RNLS: variants seen among roughly 807,000 people sequenced by gnomAD.
RNLS encodes renalase, FAD dependent amine oxidase.
Under a neutral mutation model 39.8 loss-of-function variants are expected in RNLS, and 39 were observed. The observed-to-expected ratio is 0.98, with a 90% CI of 0.76 to 1.28. The LOEUF (loss-of-function observed/expected upper bound fraction) is 1.28. Among genes scored for constraint, RNLS ranks in the 50% most tolerant of loss-of-function variants. The pLI, the probability that RNLS is intolerant of heterozygous loss-of-function variation, is 0.00. For synonymous variants in RNLS, 147 were observed against 150.7 expected (o/e 0.98, Z 0.18); for missense variants, 410 against 413.3 (o/e 0.99, Z 0.07).
chr10:88,357,426 TG>T (rs1490534427), intron 5 of RNLS, among the ~76,000 whole-genome samples: 5 of 152,182 alleles, frequency 3.3e-5, no homozygotes, highest in Non-Finnish European at 7.3e-5. Flanking sequence ...TGACAGATAT[TG>T]CTGATTGTTG....
chr10:88,273,363 T>C (rs1270462619), downstream of RNLS, among the ~76,000 whole-genome samples: 1 of 152,248 alleles, frequency 6.6e-6, no homozygotes, highest in Admixed American at 6.5e-5. Flanking sequence ...GGTCTTAATA[T>C]ATGTACACAC....
intron 4 of RNLS, among the ~76,000 whole-genome samples, chr10:88,417,136 T>A (rs1394340083): frequency 6.6e-6 from 1 of 152,214 alleles, no homozygotes; most frequent in Non-Finnish European, 1.5e-5. Context: ...CTAAGTTATT[T>A]TTATTTTCTG....
chr10:88,181,614 A>G, the RNLS span, among the ~76,000 whole-genome samples: 1 of 152,124 alleles, frequency 6.6e-6, no homozygotes, highest in African/African-American at 2.4e-5. Flanking sequence ...CACATCTTTG[A>G]CTATTTATAT....
intron 6 of RNLS, among the ~76,000 whole-genome samples, chr10:88,301,407 G>A (rs1844507427): frequency 6.6e-6 from 1 of 152,126 alleles, no homozygotes; most frequent in African/African-American, 2.4e-5. Context: ...ACACCTGTTA[G>A]GTTTCCTGAT....
the RNLS span, among the ~76,000 whole-genome samples, chr10:88,242,946 A>AAAAG: frequency 6.7e-6 from 1 of 149,668 alleles, no homozygotes; most frequent in Non-Finnish European, 1.5e-5. Flanking sequence ...AAACTCTGTC[A>AAAAG]AAACAAACAA....
intron 5 of RNLS, among the ~76,000 whole-genome samples, chr10:88,341,329 C>CA (rs755002114): frequency 0.27 from 13,311 of 50,130 alleles, 1,121 homozygotes; most frequent in East Asian, 0.44. Flanking sequence ...AACTCCATCT[C>CA]AAAAAAAAAA....
At chr10:88,521,601 G>A (rs1437486682) in intron 4 of RNLS, among the ~76,000 whole-genome samples, 4 of 152,036 alleles carry the variant, frequency 2.6e-5, no homozygotes, top group South Asian at 2.1e-4. Flanking sequence ...GTCAGCTATG[G>A]AAATGCAACT....
chr10:88,180,582 G>A, the RNLS span, among the ~76,000 whole-genome samples: 11 of 152,178 alleles, frequency 7.2e-5, no homozygotes, highest in African/African-American at 1.7e-4. Context: ...AAAAATGTAC[G>A]TGTGCGTGTG....
chr10:88,274,348 C>CA (rs1316143550), exon 7 of RNLS: 3 of 152,642 alleles, frequency 2.0e-5, no homozygotes, highest in African/African-American at 7.2e-5. Context: ...ACTCACTCTC[C>CA]ATTGCCCTCT....
At chr10:88,482,588 T>A (rs572362974) in intron 4 of RNLS, among the ~76,000 whole-genome samples, 1 of 152,276 alleles carries the variant, frequency 6.6e-6, no homozygotes, top group East Asian at 1.9e-4. Flanking sequence ...AAATCTGAAT[T>A]TTAGTTCTTT....
At chr10:88,320,997 G>A (rs1235112233) in intron 5 of RNLS, among the ~76,000 whole-genome samples, 1 of 151,528 alleles carries the variant, frequency 6.6e-6, no homozygotes, top group East Asian at 1.9e-4. Flanking sequence ...CAGAATGTAT[G>A]TTTTTCTCAT....
At chr10:88,403,990 G>A (rs1161874061) in intron 4 of RNLS, among the ~76,000 whole-genome samples, 1 of 152,014 alleles carries the variant, frequency 6.6e-6, no homozygotes, top group East Asian at 1.9e-4. Context: ...GTTACAGTGA[G>A]CTATGATCAC....
At chr10:88,188,987 G>A in the RNLS span, among the ~76,000 whole-genome samples, 1 of 152,172 alleles carries the variant, frequency 6.6e-6, no homozygotes, top group African/African-American at 2.4e-5. Context: ...TAAGAGATGT[G>A]AGAGCCAGTT....
chr10:88,241,913 GTCTC>G, the RNLS span, among the ~76,000 whole-genome samples: 3 of 151,868 alleles, frequency 2.0e-5, no homozygotes, highest in African/African-American at 7.3e-5. Flanking sequence ...TTCTCTCTCT[GTCTC>G]TCTGTCTCTG....
intron 6 of RNLS, among the ~76,000 whole-genome samples, chr10:88,299,953 TA>T (rs1267781190): frequency 1.3e-5 from 2 of 152,180 alleles, no homozygotes; most frequent in African/African-American, 4.8e-5. Flanking sequence ...AATCAGAGTA[TA>T]AATGTTAACT....
the RNLS span, among the ~76,000 whole-genome samples, chr10:88,255,644 C>T: frequency 0.37 from 56,298 of 152,074 alleles, 11,450 homozygotes; most frequent in African/African-American, 0.55. Flanking sequence ...TGTGATATTA[C>T]GATAAATCAT....
chr10:88,330,737 TTTAA>T (rs1311516853), intron 5 of RNLS, among the ~76,000 whole-genome samples: 25 of 152,262 alleles, frequency 1.6e-4, no homozygotes, highest in African/African-American at 5.1e-4. Context: ...AAAAATGATT[TTTAA>T]TTAATTATGC....
At chr10:88,547,525 A>G (rs1379383419) in intron 4 of RNLS, among the ~76,000 whole-genome samples, 1 of 152,236 alleles carries the variant, frequency 6.6e-6, no homozygotes, top group Non-Finnish European at 1.5e-5. Flanking sequence ...TTGAAACTTT[A>G]GAGAAATTTT....
intron 6 of RNLS, among the ~76,000 whole-genome samples, chr10:88,278,276 T>G (rs10749570): frequency 0.62 from 93,879 of 151,822 alleles, 29,500 homozygotes; most frequent in Middle Eastern, 0.69. Context: ...TTTCTGACAG[T>G]CTTTTGGTTC....
Sources: allele counts gnomAD v4.1 joint callset (sites outside exome capture counted in the v4.1 genomes callset), GRCh38; gene constraint gnomAD v4.1.1; transcripts MANE v1.5; gene names NCBI Gene and HGNC (gene_info 2026-07-23, HGNC 2026-07-21).